The following NCOR1 variants were observed in gnomAD, a reference collection of about 807,000 sequenced individuals.
NCOR1 encodes protein phosphatase 1, regulatory subunit 109.
Under a neutral mutation model 288.1 loss-of-function variants are expected in NCOR1, and 63 were observed. The ratio of observed to expected loss-of-function variants is 0.22; its 90% CI spans 0.18 to 0.27. The LOEUF (loss-of-function observed/expected upper bound fraction) is 0.27. NCOR1 is among the 10% of genes least tolerant of loss of function. NCOR1 has a pLI of 1.00. For synonymous variants in NCOR1, 1,007 were observed against 1,065.9 expected (o/e 0.94, Z 1.08); for missense variants, 2,397 against 3,019.2 (o/e 0.79, Z 4.83).
chr17:16,126,136 T>C lies in NCOR1; in HGVS notation c.1580A>G (p.Lys527Arg). 6.4e-7 allele frequency: 1 copy of C among 1,555,848 alleles called. No individual in the cohort carries two copies. Among genetic ancestry groups the C allele is most frequent in the Non-Finnish European group, 8.7e-7 (1 of 1,145,586 alleles). ...KEEDKAEKTE[K>R]KEEEKKDEEE... ...TTCATCTTTCTTTTCTTCTTCTTTT[T>C]TTTCTGTTTTTTCTGCTTTATCCTC... The change falls in exon 15 of 46, where the codon AAA becomes AGA. Residue 527 changes from lysine (K) to arginine (R), a missense_variant. Physicochemically the swap from Lys to Arg is conservative, Grantham distance 26. Around this residue, in one of 11 missense-constraint regions of NCOR1, gnomAD observed 113 missense variants for 139.5 expected, o/e 0.81. Transcript: ENST00000268712.
At chr17:16,129,546 T>C (rs1457605134) in intron 14 of NCOR1, among the ~76,000 whole-genome samples, 2 of 152,330 alleles carry the variant, frequency 1.3e-5, no homozygotes, top group East Asian at 3.9e-4. Flanking sequence ...TTTCAAACCA[T>C]GAGTAGGTCT....
chr17:16,032,099 C>A lies in NCOR1; in HGVS notation c.*197G>T. 3.6e-6 allele frequency: 2 copies of A among 549,626 alleles called. No homozygotes were observed. The highest frequency in any genetic ancestry group is 6.2e-6 in the Non-Finnish European group (2 of 324,460). The allele number at this position is 549,626 out of a possible 1,614,324, so 34.0% of individuals were successfully genotyped here. A position where few individuals can be genotyped will look rare whatever the true frequency, so the allele number is the denominator to read the frequency against. On this transcript the variant is annotated 3_prime_UTR_variant, in exon 46 of 46. Coordinates refer to ENST00000268712, the MANE Select transcript of NCOR1 (RefSeq NM_006311.4). ...TCCACTGAATTGCCTGTATCAAAGG[C>A]AGTTTTTTGTTTGTTTTTTTCCCAT...
chr17:16,151,929 A>G lies in NCOR1; in HGVS notation c.842+17T>C. On this transcript the variant is annotated intron_variant, in intron 8 of 45. Transcript: ENST00000268712. ...ACGGTCTTTAATTGAAGAACTCCAA[A>G]GATGATCAATACTTACGTCTTGATG... 1.3e-6 allele frequency: 2 copies of G among 1,580,150 alleles called. No homozygotes were observed. The highest frequency in any genetic ancestry group is 1.7e-6 in the Non-Finnish European group (2 of 1,157,024).
At chr17:16,079,481 G>C (rs1166910297) in intron 26 of NCOR1, among the ~76,000 whole-genome samples, 2 of 152,168 alleles carry the variant, frequency 1.3e-5, no homozygotes, top group Non-Finnish European at 2.9e-5. Context: ...CAAAATTGGT[G>C]ATGTATTTAG....
intron 5 of NCOR1, among the ~76,000 whole-genome samples, chr17:16,160,836 T>C (rs1294904857): frequency 6.6e-6 from 1 of 151,984 alleles, no homozygotes; most frequent in African/African-American, 2.4e-5. Flanking sequence ...CTCCCAGTAC[T>C]GTAAATCAGA....
rs1417829995 is a variant in NCOR1, at chr17:16,034,795, A to T, written c.7105T>A (p.Trp2369Arg). 1 of 1,613,926 alleles carries T rather than the reference A, an allele frequency of 6.2e-7. No homozygotes were observed. Among genetic ancestry groups the T allele is most frequent in the Non-Finnish European group, 8.5e-7 (1 of 1,179,910 alleles). ...GAAGAGGGCCTGTCTTCCCAGGCCC[A>T]CCCTGGCGTCTGCCTATGGTAATCC... ...EGDYHRQTPG[W>R]AWEDRPSSTG... is the part of the protein sequence containing the mutation. Residue 2369 changes from tryptophan to arginine, a missense_variant, in exon 45 of 46, where the codon TGG becomes AGG. This residue lies in a region of NCOR1 where 1,872 missense variants were observed against 2,187.8 expected (regional missense o/e 0.86). Coordinates refer to ENST00000268712, the MANE Select transcript of NCOR1 (RefSeq NM_006311.4).
rs1484499859 is a variant in NCOR1 at position 16,194,622 on chromosome 17, A to T, written c.-53T>A. ...GTGAGATCAATGCCAATAAACAATC[A>T]TGTTTCTAGGAAACCACCTAAACAG... On this transcript the variant is annotated 5_prime_UTR_variant, in exon 2 of 46. It removes an upstream start codon present in the reference 5' UTR. Coordinates refer to ENST00000268712, the MANE Select transcript of NCOR1 (RefSeq NM_006311.4). 1 of 1,177,888 alleles carries T rather than the reference A, an allele frequency of 8.5e-7. No individual in the cohort carries two copies. The highest frequency in any genetic ancestry group is 1.2e-6 in the Non-Finnish European group (1 of 807,794). The allele number at this position is 1,177,888 out of a possible 1,614,324, so 73.0% of individuals were successfully genotyped here. A position where few individuals can be genotyped will look rare whatever the true frequency, so the allele number is the denominator to read the frequency against.
chr17:16,118,225 C>G (rs1209202997), intron 17 of NCOR1, among the ~76,000 whole-genome samples, 198 bp from the exon 18 acceptor site: 1 of 151,922 alleles, frequency 6.6e-6, no homozygotes, highest in Non-Finnish European at 1.5e-5. Context: ...ATATTTTTCC[C>G]CCTCAAATTT....
At chr17:16,164,344 T>C (rs2081559107) in intron 5 of NCOR1, among the ~76,000 whole-genome samples, 1 of 151,622 alleles carries the variant, frequency 6.6e-6, no homozygotes, top group South Asian at 2.1e-4. Context: ...AAATCTTCTA[T>C]ACACATATCT....
chr17:16,138,595 GA>G (rs2076760166), intron 12 of NCOR1, among the ~76,000 whole-genome samples: 1 of 152,132 alleles, frequency 6.6e-6, no homozygotes, highest in Admixed American at 6.6e-5. Flanking sequence ...AAAAAAAACA[GA>G]AGAGAAATAC....
At chr17:16,138,914 T>G in intron 12 of NCOR1, 94 bp downstream of exon 12, 1 of 970,856 alleles carries the variant, frequency 1.0e-6, no homozygotes, top group Non-Finnish European at 1.5e-6. Context: ...GGACCAAGTT[T>G]TTGTGAAAAC....
chr17:16,146,567 AAATT>A lies in NCOR1; in HGVS notation c.910-23_910-20del. The stretch of plus-strand genomic sequence containing the variant: ...TTTGTTCCTATTAAATATCCGTAGC[AAATT>A]AATAATAATTAAACTAAACTCTGAT... On this transcript the variant is annotated intron_variant, in intron 9 of 45. Coordinates refer to ENST00000268712, the MANE Select transcript of NCOR1 (RefSeq NM_006311.4). The A allele has an allele frequency of 6.4e-7, 1 of 1,558,546 alleles. No individual in the cohort carries two copies. Among genetic ancestry groups the A allele is most frequent in the Non-Finnish European group, 8.7e-7 (1 of 1,155,430 alleles).
At chr17:16,215,066 G>GC (rs1405100197) in intron 1 of NCOR1, among the ~76,000 whole-genome samples, 1 of 152,168 alleles carries the variant, frequency 6.6e-6, no homozygotes, top group East Asian at 1.9e-4. Flanking sequence ...GGCTCCGCAC[G>GC]CCCCTCCGCA....
chr17:16,032,090 T>A lies in NCOR1; in HGVS notation c.*206A>T. On this transcript the variant is annotated 3_prime_UTR_variant, in exon 46 of 46. Coordinates refer to ENST00000268712, the MANE Select transcript of NCOR1 (RefSeq NM_006311.4). ...TTATTATAGTCCACTGAATTGCCTG[T>A]ATCAAAGGCAGTTTTTTGTTTGTTT... The A allele has an allele frequency of 1.9e-6, 1 of 533,546 alleles. No homozygotes were observed. The allele number at this position is 533,546 out of a possible 1,614,324, so 33.1% of individuals were successfully genotyped here. A position where few individuals can be genotyped will look rare whatever the true frequency, so the allele number is the denominator to read the frequency against.
intron 19 of NCOR1, among the ~76,000 whole-genome samples, chr17:16,103,483 T>G (rs780280086): frequency 6.6e-6 from 1 of 152,250 alleles, no homozygotes; most frequent in African/African-American, 2.4e-5. Flanking sequence ...CCCATTACTA[T>G]TAGGATAAAG....
In NCOR1 at chr17:16,070,447, T is replaced by C. The variant is rs767417812; in HGVS notation, c.4231A>G (p.Ser1411Gly). The change falls in exon 31 of 46, where the codon AGC becomes GGC. Residue 1411 changes from serine (S) to glycine (G), a missense_variant. Ser to Gly is a moderately conservative substitution (Grantham distance 56). Transcript: ENST00000268712. Reference sequence around the variant, plus strand: ...GGAGGCATTCCACGGGATAGTTTGCTAGGCCCCGTGATTAAGGATTTGACA... The same window carrying C: ...GGAGGCATTCCACGGGATAGTTTGCCAGGCCCCGTGATTAAGGATTTGACA... ...HNVKSLITGP[S>G]KLSRGMPPLE... 1 of 1,614,242 alleles carries C rather than the reference T, an allele frequency of 6.2e-7. No homozygotes were observed. Among genetic ancestry groups the C allele is most frequent in the Non-Finnish European group, 8.5e-7 (1 of 1,180,048 alleles).
In NCOR1 at chr17:16,143,585, G is replaced by C. The variant is rs777135519; in HGVS notation, c.1173+21C>G. ...GCTTTAATAATTAACGAATTAACTT[G>C]AATTAAATTTATTTTCTTACCTCCT... On this transcript the variant is annotated intron_variant, in intron 11 of 45. Transcript: ENST00000268712. The C allele has an allele frequency of 6.4e-6, 10 of 1,574,748 alleles. No homozygotes were observed. The African/African-American group carries it at 1.3e-4, about 21-fold the overall frequency.
intron 14 of NCOR1, among the ~76,000 whole-genome samples, chr17:16,127,567 ATG>A (rs1266183098): frequency 1.4e-5 from 2 of 140,848 alleles, no homozygotes; most frequent in African/African-American, 2.7e-5. Flanking sequence ...GTATATATGT[ATG>A]TATATATACA....
At chr17:16,213,743 T>C (rs2092342548) in intron 1 of NCOR1, among the ~76,000 whole-genome samples, 1 of 152,168 alleles carries the variant, frequency 6.6e-6, no homozygotes, top group African/African-American at 2.4e-5. Context: ...AGTAGATGTT[T>C]ACCTAATATT....
Sources: gnomAD v4.1 joint callset for allele counts (sites outside exome capture counted in the v4.1 genomes callset) on GRCh38, gnomAD v4.1.1 for gene constraint, gnomAD v4.1.1 regional missense constraint, MANE v1.5 for transcripts, NCBI Gene and HGNC (gene_info 2026-07-23, HGNC 2026-07-21) for gene names.